The following DNAJC27 variants were observed in gnomAD, a reference collection of about 807,000 sequenced individuals.
DNAJC27 encodes dnaJ homolog subfamily C member 27.
A neutral mutation model predicts 31.4 loss-of-function variants in DNAJC27; 25 were observed. The ratio of observed to expected loss-of-function variants is 0.80; its 90% CI spans 0.58 to 1.11. DNAJC27 has a LOEUF of 1.11. Ranked by LOEUF, DNAJC27 falls within the 50% of genes most tolerant of loss-of-function variation. The pLI, the probability that DNAJC27 is intolerant of heterozygous loss-of-function variation, is 0.00. For missense variants in DNAJC27, 356 were observed against 347.3 expected, an observed-to-expected ratio of 1.02 and a Z score of -0.20; for synonymous variants, 106 against 112.7, an observed-to-expected ratio of 0.94 and a Z score of 0.37.
At chr2:24,962,538 G>A (rs1239592491) in intron 3 of DNAJC27, among the ~76,000 whole-genome samples, 3 of 152,120 alleles carry the variant, frequency 2.0e-5, no homozygotes, top group Non-Finnish European at 4.4e-5. Flanking sequence ...TTACAGACGT[G>A]AGCTACTGCT....
chr2:24,958,610 TG>T, intron 3 of DNAJC27: 2 of 406,714 alleles, frequency 4.9e-6, no homozygotes, highest in Non-Finnish European at 5.1e-6. Context: ...ATCTGTAAAA[TG>T]GGGATAATAC....
intron 2 of DNAJC27, among the ~76,000 whole-genome samples, chr2:24,966,779 C>T (rs1666193777): frequency 6.6e-6 from 1 of 151,862 alleles, no homozygotes; most frequent in Admixed American, 6.6e-5. Flanking sequence ...ATTCTAATAG[C>T]TATGAAGATC....
intron 5 of DNAJC27, among the ~76,000 whole-genome samples, chr2:24,954,761 C>T (rs1665864783): frequency 6.6e-6 from 1 of 152,106 alleles, no homozygotes; most frequent in South Asian, 2.1e-4. Flanking sequence ...CTCGGTGAAA[C>T]CCTGTCTCTA....
intron 5 of DNAJC27, among the ~76,000 whole-genome samples, chr2:24,955,588 A>T (rs1276119880): frequency 1.3e-5 from 2 of 152,224 alleles, no homozygotes; most frequent in Non-Finnish European, 2.9e-5. Flanking sequence ...TAAATCCTAA[A>T]TAGAATAAAA....
intron 5 of DNAJC27, chr2:24,953,743 T>G: frequency 5.9e-5 from 9 of 153,464 alleles, no homozygotes; most frequent in Non-Finnish European, 1.3e-4. Flanking sequence ...AATATGAATA[T>G]TCATAGATTT....
At position 24,963,428 on chromosome 2, in the gene DNAJC27, C is replaced by A; in HGVS notation, c.217G>T (p.Ala73Ser). ...ACCTCATAGAAGAAGGGATGTCCAG[C>A]CATATCAAAGATGTTAACTTTGATT... ...REIKVNIFDM[A>S]GHPFFYEVRN... Residue 73 changes from alanine to serine, a missense_variant, in exon 3 of 7, where the codon GCT (alanine) becomes TCT (serine). Ala to Ser is a moderately conservative substitution (Grantham distance 99). Transcript: ENST00000264711. 6.2e-7 allele frequency: 1 copy of A among 1,613,738 alleles called. No individual in the cohort carries two copies. The highest frequency in any genetic ancestry group is 8.5e-7 in the Non-Finnish European group (1 of 1,179,750).
At position 24,947,642 on chromosome 2, in the gene DNAJC27, T is replaced by G. The variant is rs1222057704; in HGVS notation, c.796A>C (p.Thr266Pro). The change falls in exon 7 of 7, where the codon ACA (threonine) becomes CCA (proline). Residue 266 changes from threonine to proline, a missense_variant. Thr to Pro is a conservative substitution (Grantham distance 38). Transcript: ENST00000264711. ...TACTTGATGTTTTTCAGGAGGGCTG[T>G]CCGAGCATTCACAACTGCTTTGAAG... ...DAFKAVVNAR[T>P]ALLKNIK 1 of 1,609,332 alleles carries G rather than the reference T, an allele frequency of 6.2e-7. No homozygotes were observed. Among genetic ancestry groups the G allele is most frequent in the Non-Finnish European group, 8.5e-7 (1 of 1,176,252 alleles).
chr2:24,963,224 A>G (rs1180781640), intron 3 of DNAJC27, 181 bp downstream of exon 3: 1 of 426,062 alleles, frequency 2.3e-6, no homozygotes, highest in Non-Finnish European at 4.2e-6. Flanking sequence ...ACTATTTAAC[A>G]GGATAACCTA....
At chr2:24,967,778 C>A (rs543068518) in intron 1 of DNAJC27, among the ~76,000 whole-genome samples, 1 of 150,362 alleles carries the variant, frequency 6.7e-6, no homozygotes, top group South Asian at 2.1e-4. Flanking sequence ...TTTTTAAATT[C>A]TTCCCTTATT....
chr2:24,957,827 CAAATATAATATTTT>C lies in DNAJC27; in HGVS notation c.374_387del (p.Glu125GlyfsTer8). 1 of 1,614,118 alleles carries C rather than the reference CAAATATAATATTTT, an allele frequency of 6.2e-7. No homozygotes were observed. Among genetic ancestry groups the C allele is most frequent in the South Asian group, 1.1e-5 (1 of 91,074 alleles). ...GGGGTTACCTTGTTGGCACAAACTA[CAAATATAATATTTT>C]CCATGTTTCCATGAGGTCCAAGCTC... On this transcript the variant is annotated frameshift_variant, in exon 4 of 7. Transcript: ENST00000264711. LOFTEE classifies it high-confidence loss of function.
intron 3 of DNAJC27, among the ~76,000 whole-genome samples, chr2:24,959,720 T>C (rs1279244884): frequency 6.6e-6 from 1 of 152,226 alleles, no homozygotes; most frequent in African/African-American, 2.4e-5. Flanking sequence ...AAGCCCTGGC[T>C]ATAATGCTGT....
At chr2:24,950,859 TAAAAA>T (rs199540265) in intron 6 of DNAJC27, among the ~76,000 whole-genome samples, 1 of 141,842 alleles carries the variant, frequency 7.1e-6, no homozygotes, top group South Asian at 2.3e-4. Context: ...AAAATAAAAA[TAAAAA>T]AAAAAAATAA....
intron 2 of DNAJC27, among the ~76,000 whole-genome samples, chr2:24,966,475 T>C (rs1301958129): frequency 1.3e-5 from 2 of 152,206 alleles, no homozygotes; most frequent in Non-Finnish European, 2.9e-5. Context: ...TTTTTTCTTT[T>C]TTTGTGATGA....
chr2:24,956,783 G>A (rs1665913983), intron 5 of DNAJC27, among the ~76,000 whole-genome samples: 1 of 152,142 alleles, frequency 6.6e-6, no homozygotes, highest in South Asian at 2.1e-4. Flanking sequence ...AAGCCTAGAA[G>A]TATGTATTTT....
chr2:24,951,857 C>G (rs1396958997), intron 5 of DNAJC27, among the ~76,000 whole-genome samples: 1 of 152,004 alleles, frequency 6.6e-6, no homozygotes, highest in Non-Finnish European at 1.5e-5. Context: ...ACCTGTAATC[C>G]CAGCATTTTG....
In DNAJC27 at chr2:24,947,746, T is replaced by C. The variant is rs1427269470; in HGVS notation, c.692A>G (p.Asp231Gly). 6.2e-7 allele frequency: 1 copy of C among 1,611,280 alleles called. No homozygotes were observed. The highest frequency in any genetic ancestry group is 1.1e-5 in the South Asian group (1 of 90,920). ...MLGVKPGASR[D>G]EVNKAYRKLA... ...TTTCCGATACGCTTTATTGACTTCA[T>C]CCCTGGGAAAAGAAGCCAAGATCTA... Residue 231 changes from aspartate (D) to glycine (G), a missense_variant and splice_region_variant, in exon 7 of 7, where the codon GAT becomes GGT. Physicochemically the swap from Asp to Gly is moderately conservative, Grantham distance 94. Transcript: ENST00000264711.
Position 24,967,197 on chromosome 2 carries a change from A to C in DNAJC27, c.170+14T>G. On this transcript the variant is annotated intron_variant, in intron 2 of 6. Transcript: ENST00000264711. ...TCTATGTAACTTACAAACCCAGGGAAACAATATACTTACTTTGTGACTCCA... is the reference window on the plus strand; with the variant it reads ...TCTATGTAACTTACAAACCCAGGGACACAATATACTTACTTTGTGACTCCA... 1 of 1,604,986 alleles carries C rather than the reference A, an allele frequency of 6.2e-7. No individual in the cohort carries two copies. The highest frequency in any genetic ancestry group is 8.5e-7 in the Non-Finnish European group (1 of 1,172,300).
chr2:24,948,144 A>G (rs1328234164), intron 6 of DNAJC27, among the ~76,000 whole-genome samples: 1 of 152,106 alleles, frequency 6.6e-6, no homozygotes, highest in Non-Finnish European at 1.5e-5. Flanking sequence ...GAGAACCAAC[A>G]GTGGCCTGGA....
intron 6 of DNAJC27, among the ~76,000 whole-genome samples, chr2:24,950,186 G>T (rs1665734586): frequency 6.6e-6 from 1 of 151,868 alleles, no homozygotes; most frequent in Non-Finnish European, 1.5e-5. Flanking sequence ...AATATCACCT[G>T]GTGAATGAGT....
Sources: gnomAD v4.1 joint callset for allele counts (sites outside exome capture counted in the v4.1 genomes callset) on GRCh38, gnomAD v4.1.1 for gene constraint, MANE v1.5 for transcripts, NCBI Gene and HGNC (gene_info 2026-07-23, HGNC 2026-07-21) for gene names.